Variants in GSG1L observed in about 807,000 individuals in gnomAD.
GSG1L encodes GSG1 like, also known as germ cell-specific gene 1-like protein.
A neutral mutation model predicts 42.1 loss-of-function variants in GSG1L; 24 were observed. The observed-to-expected ratio is 0.57, with a 90% CI of 0.41 to 0.80. GSG1L has a LOEUF of 0.80. Among genes scored for constraint, GSG1L ranks in the 30% least tolerant of loss-of-function variants. GSG1L has a pLI of 0.00. For missense variants in GSG1L, 445 were observed against 472.2 expected (o/e 0.94, Z 0.53); for synonymous variants, 215 against 203.5 (o/e 1.06, Z -0.48).
At chr16:27,803,317 C>T (rs897121031) in intron 6 of GSG1L, among the ~76,000 whole-genome samples, 57 of 152,064 alleles carry the variant, frequency 3.7e-4, no homozygotes, top group African/African-American at 1.4e-3. Context: ...CTCATGCACC[C>T]GACCCTCTCT....
At chr16:27,865,854 T>A (rs900499179) in intron 3 of GSG1L, among the ~76,000 whole-genome samples, 3 of 151,752 alleles carry the variant, frequency 2.0e-5, no homozygotes, top group Admixed American at 6.6e-5. Flanking sequence ...CACACCACTA[T>A]GCCCGGCTAA....
chr16:27,955,890 A>AAGGAAGGAAGGAAGGAAGGAAGGT (rs2084996453), intron 2 of GSG1L, among the ~76,000 whole-genome samples: 1 of 130,918 alleles, frequency 7.6e-6, no homozygotes, highest in Admixed American at 7.7e-5. Context: ...AAGAGGAAGG[A>AAGGAAGGAAGGAAGGAAGGAAGGT]AGGAAGGAAG....
At chr16:28,025,550 G>A (rs569774713) in intron 1 of GSG1L, among the ~76,000 whole-genome samples, 3 of 152,144 alleles carry the variant, frequency 2.0e-5, no homozygotes, top group Non-Finnish European at 4.4e-5. Flanking sequence ...GGCCCCCAAC[G>A]CTGCTGGGCC....
Position 28,063,311 on chromosome 16 carries a change from C to G in GSG1L, c.114G>C (p.Arg38=). 7.2e-7 allele frequency: 1 copy of G among 1,393,770 alleles called. No homozygotes were observed. The highest frequency in any genetic ancestry group is 9.4e-7 in the Non-Finnish European group (1 of 1,065,748). 86.3% of individuals were successfully genotyped at this position (1,393,770 alleles called of 1,614,324 possible). The change falls in exon 1 of 7, where the codon CGG becomes CGC. Residue 38 remains arginine (R), a synonymous_variant. Transcript: ENST00000447459. This position sits in a 1 kb window ranked among gnomAD's most constrained non-coding sequence, Gnocchi z 5.8. ...CCTGGCCGCAGCCCGGCTTGGGGAC[C>G]CGCTGCGTGCCCTGGCACCAGTGCG... ...LTTHWCQGTQ[R]VPKPGCGQGG...
At chr16:28,032,171 A>T (rs529809493) in intron 1 of GSG1L, among the ~76,000 whole-genome samples, 4 of 152,268 alleles carry the variant, frequency 2.6e-5, no homozygotes, top group Non-Finnish European at 5.9e-5. Flanking sequence ...ATAGCTGGAG[A>T]TGCACGAACA....
chr16:28,056,644 T>C (rs80010601), intron 1 of GSG1L, among the ~76,000 whole-genome samples: 16 of 151,470 alleles, frequency 1.1e-4, no homozygotes, highest in African/African-American at 3.6e-4. Flanking sequence ...AAAAAAAAAA[T>C]CTTGGTCCCT....
At chr16:27,804,104 G>T (rs2082928567) in intron 6 of GSG1L, among the ~76,000 whole-genome samples, 1 of 151,926 alleles carries the variant, frequency 6.6e-6, no homozygotes, top group Non-Finnish European at 1.5e-5. Context: ...GGGACAGAGA[G>T]AGAGAGAGAG....
At chr16:28,017,296 A>G (rs2085792444) in intron 1 of GSG1L, among the ~76,000 whole-genome samples, 1 of 152,226 alleles carries the variant, frequency 6.6e-6, no homozygotes, top group Admixed American at 6.5e-5. Flanking sequence ...GGACAGAGGG[A>G]CATTCGGAAC....
chr16:27,840,229 G>A (rs2083365711), intron 4 of GSG1L, among the ~76,000 whole-genome samples: 1 of 151,886 alleles, frequency 6.6e-6, no homozygotes, highest in Admixed American at 6.6e-5. Flanking sequence ...TAGAGATTGG[G>A]TCTGGCTATG....
intron 1 of GSG1L, among the ~76,000 whole-genome samples, chr16:27,979,101 C>A (rs1012651491): frequency 6.6e-6 from 1 of 152,094 alleles, no homozygotes; most frequent in African/African-American, 2.4e-5. Context: ...TCTCTAAGCC[C>A]TTTCCTTGCT....
In GSG1L at chr16:27,979,759, A is replaced by AAAGAAAGG. The variant is rs1408939298; in HGVS notation, c.350-16557_350-16556insCCTTTCTT. ...AAAGAAAGAAAGAAAGGAAAGAAAG[A>AAAGAAAGG]AAGAAAGAAGGAAAGAAAGAAAGAA... On this transcript the variant is annotated intron_variant, in intron 1 of 6. Transcript: ENST00000447459. Among the ~76,000 whole-genome samples the AAAGAAAGG allele has an allele frequency of 1.1e-4, 15 of 137,214 alleles. No individual in the cohort carries two copies. In the East Asian group the frequency reaches 3.1e-3, roughly 28 times the overall value. 90.0% of individuals were successfully genotyped at this position (137,214 alleles called of 152,430 possible). A position where few individuals can be genotyped will look rare whatever the true frequency, so the allele number is the denominator to read the frequency against.
Position 27,797,754 on chromosome 16 carries a change from G to A in GSG1L, c.899-6287C>T, listed in dbSNP as rs1343123186. ...GGAGAATGGTGTTAACCCAGGAGGC[G>A]GAGCTGGCAGTGAGCCGAGATTGCA... On this transcript the variant is annotated intron_variant, in intron 6 of 6. Transcript: ENST00000447459. Among the ~76,000 whole-genome samples, 10 of 146,420 alleles carry A rather than the reference G, an allele frequency of 6.8e-5. 1 individual carries two copies. Among genetic ancestry groups the A allele is most frequent in the African/African-American group, 1.8e-4 (7 of 39,414 alleles).
At chr16:27,934,097 G>A (rs1384185864) in intron 2 of GSG1L, among the ~76,000 whole-genome samples, 4 of 152,322 alleles carry the variant, frequency 2.6e-5, no homozygotes, top group Middle Eastern at 3.4e-3. Context: ...AAGGCAGGGC[G>A]GGGCAGAACA....
intron 2 of GSG1L, among the ~76,000 whole-genome samples, chr16:27,924,234 C>A (rs2084565378): frequency 6.6e-6 from 1 of 151,240 alleles, no homozygotes; most frequent in Admixed American, 6.6e-5. Context: ...TTTAGATATA[C>A]TGTAATACCA....
At chr16:27,843,093 C>A (rs2083404935) in intron 4 of GSG1L, among the ~76,000 whole-genome samples, 1 of 152,174 alleles carries the variant, frequency 6.6e-6, no homozygotes, top group South Asian at 2.1e-4. Flanking sequence ...GCATCCCGAG[C>A]ACCTAGAAGA....
chr16:28,054,921 G>A (rs923280861), intron 1 of GSG1L, among the ~76,000 whole-genome samples: 1 of 152,066 alleles, frequency 6.6e-6, no homozygotes, highest in Admixed American at 6.6e-5. Context: ...GGCACTCCAC[G>A]AGCCACCCCC....
chr16:28,063,069 C>G lies in GSG1L; in HGVS notation c.349+7G>C, dbSNP rs1173021920. ...AGCCGAGCTGGCCGCCGCCCGCGCG[C>G]ACTCACCAAGCCCGCTGAGCTCCTC... On this transcript the variant is annotated splice_region_variant and intron_variant, in intron 1 of 6. Coordinates refer to ENST00000447459, the MANE Select transcript of GSG1L (RefSeq NM_001109763.2). The surrounding 1 kb of genome is among the most constrained non-coding windows in gnomAD (Gnocchi z 5.8). 7.1e-7 allele frequency: 1 copy of G among 1,409,416 alleles called. No individual in the cohort carries two copies. Among genetic ancestry groups the G allele is most frequent in the Non-Finnish European group, 9.3e-7 (1 of 1,075,462 alleles). The allele number at this position is 1,409,416 out of a possible 1,614,324, so 87.3% of individuals were successfully genotyped here. A position where few individuals can be genotyped will look rare whatever the true frequency, so the allele number is the denominator to read the frequency against.
At chr16:28,046,726 A>C (rs1213695733) in intron 1 of GSG1L, among the ~76,000 whole-genome samples, 2 of 151,782 alleles carry the variant, frequency 1.3e-5, no homozygotes, top group East Asian at 3.9e-4. Context: ...GGCTCACTGC[A>C]CTCTGGCGCA....
chr16:27,946,610 A>G (rs1396501182), intron 2 of GSG1L, among the ~76,000 whole-genome samples: 9 of 10,028 alleles, frequency 9.0e-4, no homozygotes, highest in African/African-American at 2.4e-3. Context: ...AGAGAGAGAG[A>G]GAGAGAGAGA....
Sources: gnomAD v4.1 joint callset for allele counts (sites outside exome capture counted in the v4.1 genomes callset) on GRCh38, gnomAD v4.1.1 for gene constraint, Gnocchi (gnomAD v3.1) non-coding constraint, MANE v1.5 for transcripts, NCBI Gene and HGNC (gene_info 2026-07-23, HGNC 2026-07-21) for gene names.